MTUS1: variants seen among roughly 807,000 people sequenced by gnomAD.
MTUS1 encodes microtubule associated scaffold protein 1, also known as microtubule-associated tumor suppressor 1.
In MTUS1, 109 loss-of-function variants were observed where a neutral mutation model predicts 120.8. That is an observed-to-expected ratio of 0.90 (90% CI 0.77 to 1.06). MTUS1 has a LOEUF of 1.06. MTUS1 is among the 50% of genes least tolerant of loss of function. The pLI is 0.00. For synonymous variants in MTUS1, 737 were observed against 550.5 expected (o/e 1.34, Z -4.74); for missense variants, 2,210 against 1,486.3 (o/e 1.49, Z -8.01).
At chr8:17,678,372 G>C (rs1585619521) in intron 7 of MTUS1, among the ~76,000 whole-genome samples, 2 of 151,758 alleles carry the variant, frequency 1.3e-5, no homozygotes, top group Non-Finnish European at 2.9e-5. Flanking sequence ...TGAAAAAAGA[G>C]AAAGGTGGAA....
rs764887030 is a variant in MTUS1, at chr8:17,797,414, A to AAAAAT, written c.-155+3642_-155+3646dup. On this transcript the variant is annotated intron_variant, in intron 1 of 14. Coordinates refer to ENST00000693296, the MANE Select transcript of MTUS1 (RefSeq NM_001363059.2). ...GGTGACACAGCAATATCCCGTCTCA[A>AAAAAT]AAAATAAAATAAAATAAAATAAAAT... 7.2e-4 allele frequency among the ~76,000 whole-genome samples: 102 copies of AAAAAT among 141,306 alleles called. No homozygotes were observed. In the East Asian group the frequency reaches 0.011, roughly 16 times the overall value. 92.7% of individuals were successfully genotyped at this position (141,306 alleles called of 152,430 possible).
chr8:17,790,906 G>A (rs1294178439), intron 1 of MTUS1, among the ~76,000 whole-genome samples: 2 of 152,140 alleles, frequency 1.3e-5, no homozygotes, highest in Admixed American at 6.6e-5. Flanking sequence ...AGAATCGCTT[G>A]AATCCGGGAG....
Position 17,754,799 on chromosome 8 carries a change from G to A in MTUS1, c.1009C>T (p.Leu337=), listed in dbSNP as rs1251938934. The A allele has an allele frequency of 6.2e-7, 1 of 1,614,236 alleles. No homozygotes were observed. Among genetic ancestry groups the A allele is most frequent in the East Asian group, 2.2e-5 (1 of 44,878 alleles). The change falls in exon 2 of 15, where the codon CTG becomes TTG. Residue 337 remains leucine (L), a synonymous_variant. Coordinates refer to ENST00000693296, the MANE Select transcript of MTUS1 (RefSeq NM_001363059.2). ...SYRHKEMGQN[L]RETVSYCLID... The stretch of plus-strand genomic sequence containing the variant: ...AGACAATAGGACACTGTCTCTCTCA[G>A]ATTTTGGCCCATTTCCTTGTGCCTG...
intron 6 of MTUS1, among the ~76,000 whole-genome samples, chr8:17,689,707 G>A (rs1010931738): frequency 1.3e-5 from 2 of 152,086 alleles, no homozygotes; most frequent in Non-Finnish European, 2.9e-5. Context: ...CAGTGGAAGA[G>A]AACAGAGAAC....
At chr8:17,744,689 C>CTTTTTTTTTTTTTTTTTTTGTTTT (rs2047603466) in intron 2 of MTUS1, among the ~76,000 whole-genome samples, 1 of 99,014 alleles carries the variant, frequency 1.0e-5, no homozygotes, top group Non-Finnish European at 2.0e-5. Context: ...ACCATGTTTT[C>CTTTTTTTTTTTTTTTTTTTGTTTT]TTTTTTTTTT....
intron 1 of MTUS1, chr8:17,800,813 C>G (rs1157356533): frequency 6.6e-6 from 1 of 152,296 alleles, no homozygotes; most frequent in Admixed American, 6.5e-5. Flanking sequence ...GCCCCTCGGT[C>G]ACTTTCAAGG....
Position 17,644,628 on chromosome 8 carries a change from G to A in MTUS1, c.*1298C>T, listed in dbSNP as rs1473123563. ...CAAAGACAAAGGGACTCCTTAAAGG[G>A]TAACTGAAAAATGAGCGCTATCCTC... On this transcript the variant is annotated 3_prime_UTR_variant, in exon 15 of 15. Transcript: ENST00000693296. The A allele has an allele frequency of 6.6e-6, 1 of 152,310 alleles. No individual in the cohort carries two copies. Among genetic ancestry groups the A allele is most frequent in the East Asian group, 1.9e-4 (1 of 5,178 alleles). 9.4% of individuals were successfully genotyped at this position (152,310 alleles called of 1,614,324 possible).
chr8:17,697,112 A>G, intron 6 of MTUS1: 3 of 1,059,574 alleles, frequency 2.8e-6, no homozygotes, highest in Non-Finnish European at 3.9e-6. Flanking sequence ...ACAGAAAACA[A>G]TTTTTAAATT....
chr8:17,771,562 T>G (rs998582897), intron 1 of MTUS1, among the ~76,000 whole-genome samples: 1 of 152,156 alleles, frequency 6.6e-6, no homozygotes, highest in Admixed American at 6.5e-5. Context: ...CTTTACAAAA[T>G]AGTCAGTGTA....
intron 4 of MTUS1, among the ~76,000 whole-genome samples, chr8:17,717,108 G>A (rs1277404966): frequency 1.3e-5 from 2 of 152,128 alleles, no homozygotes; most frequent in African/African-American, 2.4e-5. Context: ...TTGTACAGGC[G>A]TGCTATTATT....
At position 17,644,490 on chromosome 8, in the gene MTUS1, G is replaced by A. The variant is rs1805423953; in HGVS notation, c.*1436C>T. ...TCCTTCCACCTTTTCCAAAGTCTCA[G>A]GATTAGGGGAGGTAATAAGTTTTGG... is the stretch of plus-strand genomic sequence containing the variant. On this transcript the variant is annotated 3_prime_UTR_variant, in exon 15 of 15. Transcript: ENST00000693296. The A allele has an allele frequency of 6.6e-6, 1 of 152,592 alleles. No homozygotes were observed. Among genetic ancestry groups the A allele is most frequent in the African/African-American group, 2.4e-5 (1 of 41,440 alleles). 9.5% of individuals were successfully genotyped at this position (152,592 alleles called of 1,614,324 possible). A position where few individuals can be genotyped will look rare whatever the true frequency, so the allele number is the denominator to read the frequency against.
At chr8:17,694,657 G>C (rs1233749943) in intron 6 of MTUS1, among the ~76,000 whole-genome samples, 1 of 151,766 alleles carries the variant, frequency 6.6e-6, no homozygotes, top group African/African-American at 2.4e-5. Context: ...AACAGAGCGA[G>C]ACTCCATCTA....
At chr8:17,793,003 A>G (rs1293006682) in intron 1 of MTUS1, among the ~76,000 whole-genome samples, 2 of 152,226 alleles carry the variant, frequency 1.3e-5, no homozygotes, top group African/African-American at 4.8e-5. Context: ...CTGAAACACA[A>G]ATCTTATTAG....
At chr8:17,701,535 C>A (rs942168569) in intron 6 of MTUS1, among the ~76,000 whole-genome samples, 2 of 151,862 alleles carry the variant, frequency 1.3e-5, no homozygotes, top group Non-Finnish European at 2.9e-5. Context: ...AAAAACAAAA[C>A]CTCATATGTT....
intron 8 of MTUS1, among the ~76,000 whole-genome samples, chr8:17,669,738 G>A (rs1413793877): frequency 4.6e-5 from 7 of 152,160 alleles, no homozygotes; most frequent in East Asian, 1.9e-4. Flanking sequence ...CCAGCTACTC[G>A]GGACGCTGAG....
At chr8:17,650,994 G>C (rs1480899242) in intron 12 of MTUS1, among the ~76,000 whole-genome samples, 2 of 152,150 alleles carry the variant, frequency 1.3e-5, no homozygotes, top group Admixed American at 6.6e-5. Flanking sequence ...TCCAGGAAGG[G>C]GCCTCGGGGA....
Position 17,754,377 on chromosome 8 carries a change from G to A in MTUS1, c.1431C>T (p.Pro477=), listed in dbSNP as rs2979788. 0.82 allele frequency: 1,318,095 copies of A among 1,613,862 alleles called. 545,208 individuals are homozygous for A. Among genetic ancestry groups the A allele is most frequent in the South Asian group, 0.85 (77,282 of 91,072 alleles). Reference sequence around the variant, plus strand: ...TTTTGATTGTTGATTTTCCTAAACTGGGTTTACACAGGTTCACAGGTGCCT... The same window carrying A: ...TTTTGATTGTTGATTTTCCTAAACTAGGTTTACACAGGTTCACAGGTGCCT... ...SKEAPVNLCK[P]SLGKSTIKTN... Residue 477 remains proline, a synonymous_variant, in exon 2 of 15, where the codon CCC becomes CCT. Coordinates refer to ENST00000693296, the MANE Select transcript of MTUS1 (RefSeq NM_001363059.2).
intron 1 of MTUS1, among the ~76,000 whole-genome samples, chr8:17,799,057 C>A (rs2052478158): frequency 6.6e-6 from 1 of 150,778 alleles, no homozygotes. Flanking sequence ...TACATGTTGA[C>A]AAGAATACGG....
At chr8:17,691,982 A>G (rs1281983074) in intron 6 of MTUS1, 2 of 152,230 alleles carry the variant, frequency 1.3e-5, no homozygotes, top group African/African-American at 4.8e-5. Context: ...CAAACGACAA[A>G]ATAACTTGAA....
Sources: allele counts gnomAD v4.1 joint callset (sites outside exome capture counted in the v4.1 genomes callset), GRCh38; gene constraint gnomAD v4.1.1; transcripts MANE v1.5; gene names NCBI Gene and HGNC (gene_info 2026-07-23, HGNC 2026-07-21).